The following PLEKHA7 variants were observed in gnomAD, a reference collection of about 807,000 sequenced individuals.
PLEKHA7 encodes pleckstrin homology domain containing A7.
Under a neutral mutation model 170.0 loss-of-function variants are expected in PLEKHA7, and 104 were observed. The observed-to-expected ratio is 0.61, with a 90% CI of 0.52 to 0.72. The LOEUF (loss-of-function observed/expected upper bound fraction) is 0.72, where lower values mean the gene tolerates loss of function less well. PLEKHA7 is among the 30% of genes least tolerant of loss of function. The pLI, the probability that PLEKHA7 is intolerant of heterozygous loss-of-function variation, is 0.00. For missense variants in PLEKHA7, 1,615 were observed against 1,671.7 expected, an observed-to-expected ratio of 0.97 and a Z score of 0.59; for synonymous variants, 648 against 660.8, an observed-to-expected ratio of 0.98 and a Z score of 0.30.
Position 16,989,907 on chromosome 11 carries a change from G to A in PLEKHA7, c.221+24082C>T, listed in dbSNP as rs758854959. 5.9e-5 allele frequency among the ~76,000 whole-genome samples: 9 copies of A among 152,086 alleles called. No homozygotes were observed. The South Asian group carries it at 1.7e-3, about 28-fold the overall frequency. ...TTATTTCATAAGGGCTTGAAGGGCC[G>A]AAGCATGCCAGCACCATCCCCCAAA... On this transcript the variant is annotated intron_variant, in intron 3 of 26. Coordinates refer to ENST00000531066, the MANE Select transcript of PLEKHA7 (RefSeq NM_001329630.2).
At chr11:16,920,744 G>A (rs997545079) in intron 3 of PLEKHA7, among the ~76,000 whole-genome samples, 2 of 152,138 alleles carry the variant, frequency 1.3e-5, no homozygotes, top group African/African-American at 4.8e-5. Flanking sequence ...CCACTCTGAC[G>A]ACACCAGCAG....
At position 16,778,317 on chromosome 11, in the gene PLEKHA7, C is replaced by G. The variant is rs1001512009; in HGVS notation, c.*681G>C. 2.0e-5 allele frequency: 3 copies of G among 152,436 alleles called. No homozygotes were observed. The highest frequency in any genetic ancestry group is 6.5e-5 in the Admixed American group (1 of 15,290). The allele number at this position is 152,436 out of a possible 1,614,324, so 9.4% of individuals were successfully genotyped here. ...ACTGCTTTTTTCTTTCTGACAAGAG[C>G]CTTTTGCTGGAGGAAGCCTGGGGGC... On this transcript the variant is annotated 3_prime_UTR_variant, in exon 27 of 27. Transcript: ENST00000531066.
intron 9 of PLEKHA7, among the ~76,000 whole-genome samples, chr11:16,826,834 C>A (rs1342188614): frequency 6.6e-6 from 1 of 152,168 alleles, no homozygotes; most frequent in East Asian, 1.9e-4. Context: ...TTATGCTGAC[C>A]CCACTGTCAC....
intron 3 of PLEKHA7, among the ~76,000 whole-genome samples, chr11:16,964,285 C>G (rs1430035588): frequency 6.6e-6 from 1 of 152,206 alleles, no homozygotes; most frequent in Non-Finnish European, 1.5e-5. Flanking sequence ...CCTAAGTGTA[C>G]AAATATCTGT....
rs1565210128 is a variant in PLEKHA7, at chr11:17,014,171, A to AGCCAGGTGGTGCGCGGG, written c.116_117insCCCGCGCACCACCTGGC (p.Gly43ThrfsTer15). 2 of 1,599,522 alleles carry AGCCAGGTGGTGCGCGGG rather than the reference A, an allele frequency of 1.3e-6. No individual in the cohort carries two copies. Among genetic ancestry groups the AGCCAGGTGGTGCGCGGG allele is most frequent in the South Asian group, 2.2e-5 (2 of 89,780 alleles). On this transcript the variant is annotated frameshift_variant, in exon 2 of 27. Transcript: ENST00000531066. LOFTEE classifies it high-confidence loss of function. Reference sequence around the variant, plus strand: ...AGTTGACGGGCTCCCCGGTGCGCGGATGCAGCCAGGTCGTGCAGCGGAGCT... The same window carrying AGCCAGGTGGTGCGCGGG: ...AGTTGACGGGCTCCCCGGTGCGCGGAGCCAGGTGGTGCGCGGGTGCAGCCAGGTCGTGCAGCGGAGCT...
At position 16,940,279 on chromosome 11, in the gene PLEKHA7, C is replaced by CTGTT. The variant is rs1565137622; in HGVS notation, c.222-69101_222-69098dup. Among the ~76,000 whole-genome samples the CTGTT allele has an allele frequency of 2.7e-4, 35 of 129,664 alleles. 4 individuals are homozygous for CTGTT. The highest frequency in any genetic ancestry group is 4.7e-4 in the African/African-American group (17 of 36,158). The allele number at this position is 129,664 out of a possible 152,430, so 85.1% of individuals were successfully genotyped here. A position where few individuals can be genotyped will look rare whatever the true frequency, so the allele number is the denominator to read the frequency against. ...GAAGTATCTCAGATCTTTTCTTCTG[C>CTGTT]TGTTTTTTTTTTTTTTTTTTTTTTT... On this transcript the variant is annotated intron_variant, in intron 3 of 26. Transcript: ENST00000531066.
At chr11:16,957,689 A>ATATTT (rs1420004461) in intron 3 of PLEKHA7, among the ~76,000 whole-genome samples, 40 of 118,294 alleles carry the variant, frequency 3.4e-4, no homozygotes, top group Non-Finnish European at 4.9e-4. Context: ...TACCTCAATA[A>ATATTT]TTTTTTTCTT....
Position 16,817,226 on chromosome 11 carries a change from G to A in PLEKHA7, c.1440C>T (p.Pro480=). ...GGGGAGGTGGCGAGGAGCCCCCCGA[G>A]GGGTGTCGGGTGCTCTTGGGAAGAG... is the stretch of plus-strand genomic sequence containing the variant. ...YQTLPKSTRH[P]SGGSSPPPRN... The change falls in exon 11 of 27, where the codon CCC becomes CCT. Residue 480 remains proline, a synonymous_variant. Coordinates refer to ENST00000531066, the MANE Select transcript of PLEKHA7 (RefSeq NM_001329630.2). This position sits in a 1 kb window ranked among gnomAD's most constrained non-coding sequence, Gnocchi z 4.4. 6.2e-7 allele frequency: 1 copy of A among 1,614,060 alleles called. No individual in the cohort carries two copies. Among genetic ancestry groups the A allele is most frequent in the Non-Finnish European group, 8.5e-7 (1 of 1,180,030 alleles).
intron 12 of PLEKHA7, among the ~76,000 whole-genome samples, chr11:16,814,183 C>CT (rs1849577791): frequency 6.6e-6 from 1 of 152,208 alleles, no homozygotes; most frequent in Non-Finnish European, 1.5e-5. Context: ...AAACTAACTT[C>CT]TTACCCATCT....
chr11:16,952,894 C>T (rs941831917), intron 3 of PLEKHA7, among the ~76,000 whole-genome samples: 3 of 152,308 alleles, frequency 2.0e-5, no homozygotes, highest in African/African-American at 7.2e-5. Context: ...ATGTATCCAA[C>T]AAAGCTTTTT....
intron 3 of PLEKHA7, among the ~76,000 whole-genome samples, chr11:16,971,652 A>G (rs561541343): frequency 6.6e-6 from 1 of 152,372 alleles, no homozygotes; most frequent in African/African-American, 2.4e-5. Context: ...CTGGAACCCA[A>G]GAAAGGTCAG....
chr11:16,786,229 C>T lies in PLEKHA7; in HGVS notation c.3516G>A (p.Glu1172=). ...PQDYDLDISR[E]LSKPEKVSIP... ...ACATGAAGGAAGTGCCTGCCCTCAC[C>T]TCTCTGCTGATGTCCAAGTCATAGT... The change falls in exon 24 of 27, where the codon GAG becomes GAA. Residue 1172 remains glutamate (E), a splice_region_variant and synonymous_variant. Transcript: ENST00000531066. 1 of 1,536,100 alleles carries T rather than the reference C, an allele frequency of 6.5e-7. No individual in the cohort carries two copies. Among genetic ancestry groups the T allele is most frequent in the Non-Finnish European group, 8.7e-7 (1 of 1,146,892 alleles).
intron 3 of PLEKHA7, among the ~76,000 whole-genome samples, chr11:16,934,631 T>C (rs1304047399): frequency 6.6e-6 from 1 of 152,216 alleles, no homozygotes; most frequent in Non-Finnish European, 1.5e-5. Context: ...ATATAATTTA[T>C]ATTCCTATTG....
chr11:16,868,995 C>T (rs1194181395), intron 4 of PLEKHA7, among the ~76,000 whole-genome samples: 1 of 152,198 alleles, frequency 6.6e-6, no homozygotes, highest in African/African-American at 2.4e-5. Flanking sequence ...CTGACGGACT[C>T]TCCATCCAGA....
intron 5 of PLEKHA7, 185 bp downstream of exon 5, chr11:16,855,617 AC>A: frequency 3.4e-6 from 2 of 596,306 alleles, no homozygotes; most frequent in South Asian, 4.1e-5. Context: ...GTCAGCAATC[AC>A]CTGTTCTGCT....
intron 3 of PLEKHA7, among the ~76,000 whole-genome samples, chr11:16,878,126 T>C (rs1272828104): frequency 6.6e-6 from 1 of 152,192 alleles, no homozygotes; most frequent in African/African-American, 2.4e-5. Flanking sequence ...TTAACCTCCA[T>C]GTACAATATG....
chr11:16,805,764 T>C (rs537338851), intron 13 of PLEKHA7, among the ~76,000 whole-genome samples: 1 of 139,182 alleles, frequency 7.2e-6, no homozygotes, highest in Non-Finnish European at 1.5e-5. Flanking sequence ...CACTCCAGCC[T>C]GGGTGACAGA....
intron 8 of PLEKHA7, among the ~76,000 whole-genome samples, chr11:16,844,322 C>T (rs1852213527): frequency 6.6e-6 from 1 of 152,156 alleles, no homozygotes; most frequent in Admixed American, 6.5e-5. Context: ...CAAATATAAC[C>T]CTGGTCACTA....
intron 13 of PLEKHA7, among the ~76,000 whole-genome samples, chr11:16,810,105 G>C (rs182447059): frequency 9.3e-4 from 142 of 152,370 alleles, no homozygotes; most frequent in African/African-American, 3.3e-3. Context: ...GTAGAAGAGT[G>C]ACAATGTGGC....
Sources: gnomAD v4.1 joint callset for allele counts (sites outside exome capture counted in the v4.1 genomes callset) on GRCh38, gnomAD v4.1.1 for gene constraint, Gnocchi (gnomAD v3.1) non-coding constraint, MANE v1.5 for transcripts, NCBI Gene and HGNC (gene_info 2026-07-23, HGNC 2026-07-21) for gene names.